KATNB1: variants seen among roughly 807,000 people sequenced by gnomAD.
KATNB1 encodes the protein katanin regulatory subunit B1.
A neutral mutation model predicts 82.3 loss-of-function variants in KATNB1; 38 were observed. That is an observed-to-expected ratio of 0.46 (90% confidence interval 0.36 to 0.61). KATNB1 has a LOEUF of 0.61. Ranked by LOEUF, KATNB1 falls within the 20% of genes least tolerant of loss-of-function variation. The pLI is 0.00. For synonymous variants in KATNB1, 361 were observed against 368.7 expected (o/e 0.98, Z 0.24); for missense variants, 749 against 915.7 (o/e 0.82, Z 2.35).
chr16:57,741,542 G>A (rs1390356019), intron 2 of KATNB1, 145 bp from the exon 3 acceptor site: 2 of 807,370 alleles, frequency 2.5e-6, no homozygotes, highest in Non-Finnish European at 4.0e-6. Flanking sequence ...TGCAGCTCAT[G>A]GTGGACACCA....
At position 57,757,101 on chromosome 16, in the gene KATNB1, C is replaced by T. The variant is rs1477934723; in HGVS notation, c.*155C>T. The T allele has an allele frequency of 2.7e-6, 2 of 742,326 alleles. No homozygotes were observed. The highest frequency in any genetic ancestry group is 7.5e-5 in the Admixed American group (2 of 26,512). The allele number at this position is 742,326 out of a possible 1,614,324, so 46.0% of individuals were successfully genotyped here. On this transcript the variant is annotated 3_prime_UTR_variant, in exon 20 of 20. Transcript: ENST00000379661. Reference sequence around the variant, plus strand: ...GGAGGTGATGCTGGTCCCTGGCCACCTCTACAGCCCTGAACTCTTGAGACA... The same window carrying T: ...GGAGGTGATGCTGGTCCCTGGCCACTTCTACAGCCCTGAACTCTTGAGACA...
At chr16:57,752,150 G>T (rs1260536300) in intron 8 of KATNB1, 95 bp downstream of exon 8, 2 of 811,756 alleles carry the variant, frequency 2.5e-6, no homozygotes, top group East Asian at 2.6e-5. Context: ...TCGCTGTCTG[G>T]GGTGTCATAC....
In KATNB1 at chr16:57,751,354, G is replaced by C; in HGVS notation, c.432+52G>C. ...CATGAGCACCTTGCGGGCATTGAGT[G>C]TGGTGTGGTGCCCAGACCCCAGCAG... On this transcript the variant is annotated intron_variant, in intron 6 of 19. Transcript: ENST00000379661. This position sits in a 1 kb window ranked among gnomAD's most constrained non-coding sequence, Gnocchi z 6.3. The C allele has an allele frequency of 6.4e-7, 1 of 1,551,764 alleles. No homozygotes were observed. The highest frequency in any genetic ancestry group is 8.9e-7 in the Non-Finnish European group (1 of 1,123,366).
Position 57,751,880 on chromosome 16 carries a change from A to G in KATNB1, c.517-60A>G, listed in dbSNP as rs1371814999. 14 of 1,454,190 alleles carry G rather than the reference A, an allele frequency of 9.6e-6. No homozygotes were observed. In the African/African-American group the frequency reaches 2.0e-4, roughly 20 times the overall value. 90.1% of individuals were successfully genotyped at this position (1,454,190 alleles called of 1,614,324 possible). ...GGATAAAGAGCTTGGCCTGGATTAG[A>G]GGGAGGGTGGGCAGCCAAGATGCCT... On this transcript the variant is annotated intron_variant, in intron 7 of 19. Transcript: ENST00000379661. The surrounding 1 kb of genome is among the most constrained non-coding windows in gnomAD (Gnocchi z 6.3).
At position 57,737,072 on chromosome 16, in the gene KATNB1, T is replaced by A. The variant is rs1289673220; in HGVS notation, c.-172T>A. On this transcript the variant is annotated 5_prime_UTR_variant, in exon 2 of 20. Coordinates refer to ENST00000379661, the MANE Select transcript of KATNB1 (RefSeq NM_005886.3). ...CTGCTGCTGTTGCTGCTGTGGGTAATTTGGAACCACGAGGCACCCCAGGGC... is the reference window on the plus strand; with the variant it reads ...CTGCTGCTGTTGCTGCTGTGGGTAAATTGGAACCACGAGGCACCCCAGGGC... 1 of 773,196 alleles carries A rather than the reference T, an allele frequency of 1.3e-6. No homozygotes were observed. The highest frequency in any genetic ancestry group is 2.2e-6 in the Non-Finnish European group (1 of 448,908). The allele number at this position is 773,196 out of a possible 1,614,324, so 47.9% of individuals were successfully genotyped here. A position where few individuals can be genotyped will look rare whatever the true frequency, so the allele number is the denominator to read the frequency against.
At chr16:57,753,648 A>G (rs1555584506) in intron 12 of KATNB1, 129 bp downstream of exon 12, 3 of 1,267,770 alleles carry the variant, frequency 2.4e-6, no homozygotes, top group Non-Finnish European at 3.3e-6. Flanking sequence ...TGGGCTCCGT[A>G]TCCTGTCCTC....
chr16:57,743,335 G>A, intron 3 of KATNB1, among the ~76,000 whole-genome samples: 1 of 152,184 alleles, frequency 6.6e-6, no homozygotes, highest in East Asian at 1.9e-4. Context: ...GAATTTCTTA[G>A]TAGAAACTTA....
chr16:57,756,791 C>T, intron 19 of KATNB1, 23 bp from the exon 20 acceptor site: 4 of 1,523,072 alleles, frequency 2.6e-6, no homozygotes, highest in South Asian at 1.3e-5. Flanking sequence ...CAGCTAGCCC[C>T]TCAGGCACTG....
intron 3 of KATNB1, 149 bp downstream of exon 3, chr16:57,741,966 G>A (rs1555579819): frequency 3.3e-6 from 3 of 916,406 alleles, no homozygotes; most frequent in African/African-American, 3.3e-5. Context: ...GGTGGAGGGG[G>A]CGTGGTGGGG....
chr16:57,745,703 G>A (rs1423078578), intron 4 of KATNB1, among the ~76,000 whole-genome samples: 5 of 152,062 alleles, frequency 3.3e-5, no homozygotes, highest in Non-Finnish European at 7.4e-5. Flanking sequence ...ATTTCAATAG[G>A]TGGTGTTTAT....
Position 57,756,372 on chromosome 16 carries a change from T to C in KATNB1, c.1735T>C (p.Cys579Arg), listed in dbSNP as rs782203849. 2.5e-6 allele frequency: 4 copies of C among 1,613,892 alleles called. No individual in the cohort carries two copies. The East Asian group carries it at 8.9e-5, about 36-fold the overall frequency. ...CCCCTAAAGCTACGTCCAGACGGGC[T>C]GCACCTCCCTGAAGCTGATCCTGCA... ...SKYESYVQTGCTSLKLILQRF... is the reference protein window; with the variant it reads ...SKYESYVQTGRTSLKLILQRF... The change falls in exon 19 of 20, where the codon TGC becomes CGC. Residue 579 changes from cysteine to arginine, a missense_variant. Cys to Arg is a radical substitution (Grantham distance 180). Coordinates refer to ENST00000379661, the MANE Select transcript of KATNB1 (RefSeq NM_005886.3).
chr16:57,744,940 C>A (rs985969484), intron 4 of KATNB1, among the ~76,000 whole-genome samples: 1 of 152,174 alleles, frequency 6.6e-6, no homozygotes, highest in Non-Finnish European at 1.5e-5. Context: ...TGCCTTGGCT[C>A]CCTGGTGCCA....
intron 2 of KATNB1, among the ~76,000 whole-genome samples, chr16:57,740,156 C>T (rs1353388737): frequency 6.6e-6 from 1 of 152,232 alleles, no homozygotes; most frequent in Admixed American, 6.5e-5. Context: ...AGGCTCTCAT[C>T]GAGACGGGAC....
chr16:57,745,745 T>A (rs2049179729), intron 4 of KATNB1, among the ~76,000 whole-genome samples: 1 of 152,078 alleles, frequency 6.6e-6, no homozygotes, highest in Non-Finnish European at 1.5e-5. Context: ...CATTTACCAC[T>A]GACTATTTCT....
chr16:57,740,159 G>T (rs1245323952), intron 2 of KATNB1, among the ~76,000 whole-genome samples: 3 of 152,188 alleles, frequency 2.0e-5, no homozygotes, highest in Non-Finnish European at 4.4e-5. Flanking sequence ...CTCTCATCGA[G>T]ACGGGACTAA....
intron 2 of KATNB1, among the ~76,000 whole-genome samples, chr16:57,740,661 C>T (rs1459691753): frequency 3.9e-5 from 6 of 152,192 alleles, no homozygotes; most frequent in African/African-American, 1.2e-4. Flanking sequence ...AGGCCCGGGC[C>T]GCCTCTTGGT....
intron 2 of KATNB1, 64 bp downstream of exon 2, chr16:57,737,347 C>T: frequency 1.3e-6 from 2 of 1,569,624 alleles, no homozygotes; most frequent in African/African-American, 2.7e-5. Flanking sequence ...TGCTGGGAGG[C>T]CTGAACCCAC....
In KATNB1 at chr16:57,755,413, C is replaced by G; in HGVS notation, c.1485C>G (p.His495Gln). The G allele has an allele frequency of 1.9e-6, 3 of 1,613,258 alleles. No individual in the cohort carries two copies. The highest frequency in any genetic ancestry group is 2.5e-6 in the Non-Finnish European group (3 of 1,180,026). The change falls in exon 16 of 20, where the codon CAC becomes CAG. Residue 495 changes from histidine (H) to glutamine (Q), a missense_variant. His to Gln is a conservative substitution (Grantham distance 24). Transcript: ENST00000379661. ...EDAMSQIRKGHDTMCVVLTSR... is the reference protein window; with the variant it reads ...EDAMSQIRKGQDTMCVVLTSR... ...CCATGTCACAGATCCGCAAAGGCCACGACACCATGTGTGTGGTGCTCACCA... is the reference window on the plus strand; with the variant it reads ...CCATGTCACAGATCCGCAAAGGCCAGGACACCATGTGTGTGGTGCTCACCA...
rs782685632 is a variant in KATNB1 at position 57,751,283 on chromosome 16, G to T, written c.413G>T (p.Gly138Val). The change falls in exon 6 of 20, where the codon GGC (glycine) becomes GTC (valine). Residue 138 changes from glycine (G) to valine (V), a missense_variant. Physicochemically the swap from Gly to Val is moderately radical, Grantham distance 109. Around this residue, in one of 3 missense-constraint regions of KATNB1, gnomAD observed 247 missense variants for 349.4 expected, o/e 0.71. Coordinates refer to ENST00000379661, the MANE Select transcript of KATNB1 (RefSeq NM_005886.3). The surrounding 1 kb of genome is among the most constrained non-coding windows in gnomAD (Gnocchi z 6.3). ...NIKLWDIRRK[G>V]CVFRYRGHSQ... ...CAGCTCTGGGACATCAGGAGGAAAG[G>T]CTGTGTCTTCCGATACAGGGTAAGG... 1 of 1,613,986 alleles carries T rather than the reference G, an allele frequency of 6.2e-7. No individual in the cohort carries two copies. The highest frequency in any genetic ancestry group is 2.2e-5 in the East Asian group (1 of 44,880).
Sources: allele counts gnomAD v4.1 joint callset (sites outside exome capture counted in the v4.1 genomes callset), GRCh38; gene constraint gnomAD v4.1.1; regional missense constraint gnomAD v4.1.1; non-coding constraint Gnocchi (gnomAD v3.1); transcripts MANE v1.5; gene names NCBI Gene and HGNC (gene_info 2026-07-23, HGNC 2026-07-21).